The following HS3ST5 variants were observed in gnomAD, a reference collection of about 807,000 sequenced individuals.
The protein encoded by HS3ST5 is heparan sulfate-glucosamine 3-sulfotransferase 5, also known as heparan sulfate glucosamine 3-O-sulfotransferase 5.
In HS3ST5, 10 loss-of-function variants were observed where a neutral mutation model predicts 25.4. That is an observed-to-expected ratio of 0.39 (90% confidence interval 0.24 to 0.67). The LOEUF (loss-of-function observed/expected upper bound fraction) is 0.67. Ranked by LOEUF, HS3ST5 falls within the 30% of genes least tolerant of loss-of-function variation. The probability of loss-of-function intolerance (pLI) is 0.44; values close to 1 mark genes in which losing one functional copy is unlikely to be tolerated. For synonymous variants in HS3ST5, 170 were observed against 162.4 expected (o/e 1.05, Z -0.36); for missense variants, 324 against 420.7 (o/e 0.77, Z 2.01).
At chr6:114,281,620 A>G (rs1245931405) in intron 1 of HS3ST5, among the ~76,000 whole-genome samples, 1 of 151,898 alleles carries the variant, frequency 6.6e-6, no homozygotes, top group African/African-American at 2.4e-5. Flanking sequence ...TAAGCTTTTA[A>G]ACTCTGCTGT....
intron 1 of HS3ST5, among the ~76,000 whole-genome samples, chr6:114,261,153 T>C (rs1419364257): frequency 6.6e-6 from 1 of 152,050 alleles, no homozygotes; most frequent in Non-Finnish European, 1.5e-5. Context: ...TTCAAGAATT[T>C]GGGTAGGAAA....
chr6:114,260,655 A>G (rs1773131490), intron 1 of HS3ST5, among the ~76,000 whole-genome samples: 1 of 152,208 alleles, frequency 6.6e-6, no homozygotes, highest in African/African-American at 2.4e-5. Context: ...ATCAGACCCC[A>G]GATTATTTTA....
At chr6:114,094,310 C>G (rs150485758) in intron 3 of HS3ST5, among the ~76,000 whole-genome samples, 45 of 152,260 alleles carry the variant, frequency 3.0e-4, no homozygotes, top group African/African-American at 1.1e-3. Flanking sequence ...ATATTTACAA[C>G]AAGTCAAACT....
At chr6:114,183,282 G>A (rs1024989559) in intron 2 of HS3ST5, among the ~76,000 whole-genome samples, 3 of 152,098 alleles carry the variant, frequency 2.0e-5, no homozygotes, top group African/African-American at 7.2e-5. Flanking sequence ...CTATTCTTAT[G>A]GTAGTGAATA....
At chr6:114,238,781 A>T (rs9400704) in intron 1 of HS3ST5, among the ~76,000 whole-genome samples, 6,974 of 152,216 alleles carry the variant, frequency 0.046, 179 homozygotes, top group Middle Eastern at 0.075. Context: ...AAGAGAGAGG[A>T]CCAAGTTTGT....
intron 4 of HS3ST5, among the ~76,000 whole-genome samples, chr6:114,062,286 A>G (rs2114706202): frequency 6.6e-6 from 1 of 152,294 alleles, no homozygotes. Context: ...TTCCAGAGCA[A>G]TGGATTGCAA....
chr6:114,074,928 T>G (rs1201285675), intron 3 of HS3ST5, among the ~76,000 whole-genome samples: 1 of 152,142 alleles, frequency 6.6e-6, no homozygotes. Context: ...TTCAAAACTT[T>G]TTTTCTTTTT....
At chr6:114,083,273 G>A (rs779109306) in intron 3 of HS3ST5, among the ~76,000 whole-genome samples, 4 of 152,146 alleles carry the variant, frequency 2.6e-5, no homozygotes, top group Non-Finnish European at 4.4e-5. Context: ...TTATTAATTG[G>A]CACTTATATG....
intron 3 of HS3ST5, among the ~76,000 whole-genome samples, chr6:114,107,020 GT>G (rs1340037989): frequency 6.6e-6 from 1 of 152,104 alleles, no homozygotes; most frequent in Non-Finnish European, 1.5e-5. Flanking sequence ...ATACTGAGAA[GT>G]AATGGGAAGC....
chr6:114,081,728 A>G (rs1046983698), intron 3 of HS3ST5, among the ~76,000 whole-genome samples: 5 of 152,204 alleles, frequency 3.3e-5, no homozygotes, highest in African/African-American at 1.2e-4. Context: ...AAATTTCATT[A>G]TAGACTGATT....
chr6:114,150,121 A>G (rs1778379620), intron 3 of HS3ST5, among the ~76,000 whole-genome samples: 1 of 152,230 alleles, frequency 6.6e-6, no homozygotes, highest in Admixed American at 6.5e-5. Context: ...AAATATTCTT[A>G]CTGAAAACTA....
chr6:114,084,450 G>C (rs1295055214), intron 3 of HS3ST5: 7 of 756,774 alleles, frequency 9.2e-6, no homozygotes, highest in African/African-American at 1.7e-5. Context: ...CTCTGTAGAA[G>C]TAGAGATCAG....
chr6:114,247,610 C>T (rs746326075), intron 1 of HS3ST5, among the ~76,000 whole-genome samples: 9 of 151,804 alleles, frequency 5.9e-5, no homozygotes, highest in Non-Finnish European at 1.0e-4. Flanking sequence ...AAAAGCTATT[C>T]CTTCATGTTT....
intron 3 of HS3ST5, among the ~76,000 whole-genome samples, chr6:114,109,821 C>T (rs1776181069): frequency 6.6e-6 from 1 of 151,978 alleles, no homozygotes; most frequent in Non-Finnish European, 1.5e-5. Context: ...TATTTATTGC[C>T]TACTATATGC....
intron 3 of HS3ST5, among the ~76,000 whole-genome samples, chr6:114,105,904 A>G (rs1276688112): frequency 6.6e-6 from 1 of 152,150 alleles, no homozygotes; most frequent in African/African-American, 2.4e-5. Flanking sequence ...ATACAAGTTT[A>G]TGAAATAGAT....
intron 1 of HS3ST5, among the ~76,000 whole-genome samples, chr6:114,341,643 G>A (rs1321786195): frequency 6.6e-6 from 1 of 150,402 alleles, no homozygotes; most frequent in Non-Finnish European, 1.5e-5. Flanking sequence ...AAGTGGGGCT[G>A]TGAGGGGTGT....
intron 1 of HS3ST5, among the ~76,000 whole-genome samples, chr6:114,323,274 G>C (rs1315536097): frequency 1.3e-5 from 2 of 152,074 alleles, no homozygotes; most frequent in African/African-American, 4.8e-5. Flanking sequence ...GAGAAAGATA[G>C]CATATGTAAA....
rs143876214 is a variant in HS3ST5 at position 114,289,123 on chromosome 6, T to C, written c.-339+53072A>G. Among the ~76,000 whole-genome samples the C allele has an allele frequency of 1.5e-3, 235 of 152,260 alleles. 1 individual carries two copies. Among genetic ancestry groups the C allele is most frequent in the African/African-American group, 5.5e-3 (228 of 41,532 alleles). On this transcript the variant is annotated intron_variant, in intron 1 of 4. Coordinates refer to ENST00000312719, the MANE Select transcript of HS3ST5 (RefSeq NM_153612.4). ...CATTTACTGCATTTTTCTAATGTTATCCTTTACATTTCCATCTAGAATATA... is the reference window on the plus strand; with the variant it reads ...CATTTACTGCATTTTTCTAATGTTACCCTTTACATTTCCATCTAGAATATA...
At chr6:114,329,035 G>C (rs1776285707) in intron 1 of HS3ST5, among the ~76,000 whole-genome samples, 2 of 152,182 alleles carry the variant, frequency 1.3e-5, no homozygotes, top group South Asian at 4.1e-4. Flanking sequence ...CTGTCGCAGA[G>C]TTGTAAATGC....
Sources: gnomAD v4.1 joint callset for allele counts (sites outside exome capture counted in the v4.1 genomes callset) on GRCh38, gnomAD v4.1.1 for gene constraint, MANE v1.5 for transcripts, NCBI Gene and HGNC (gene_info 2026-07-23, HGNC 2026-07-21) for gene names.